The following IQCM variants were observed in gnomAD, a reference collection of about 807,000 sequenced individuals.
IQCM encodes the protein IQ domain-containing protein M.
In IQCM, 45 loss-of-function variants were observed where a neutral mutation model predicts 57.6. The observed-to-expected ratio is 0.78, with a 90% confidence interval of 0.62 to 1.00. The LOEUF is 1.00. Among genes scored for constraint, IQCM ranks in the 50% least tolerant of loss-of-function variants. The probability of loss-of-function intolerance (pLI) is 0.00; values close to 1 mark genes in which losing one functional copy is unlikely to be tolerated. For missense variants in IQCM, 468 were observed against 511.6 expected (o/e 0.91, Z 0.82); for synonymous variants, 148 against 158.9 (o/e 0.93, Z 0.51).
chr4:149,787,492 T>C (rs1772181465), intron 2 of IQCM, among the ~76,000 whole-genome samples: 1 of 152,060 alleles, frequency 6.6e-6, no homozygotes, highest in Non-Finnish European at 1.5e-5. Context: ...AGCAGACACA[T>C]AGACCAATGG....
intron 5 of IQCM, among the ~76,000 whole-genome samples, chr4:149,692,900 G>A (rs1763043224): frequency 6.6e-6 from 1 of 151,562 alleles, no homozygotes; most frequent in Non-Finnish European, 1.5e-5. Flanking sequence ...GGGAGACCAG[G>A]GCAAAAAAAC....
chr4:149,806,924 T>C (rs572471558), intron 2 of IQCM, among the ~76,000 whole-genome samples: 45 of 151,744 alleles, frequency 3.0e-4, no homozygotes, highest in Middle Eastern at 3.4e-3. Context: ...CCATTTACAA[T>C]AGCTACAAAA....
At chr4:149,801,412 A>G (rs1773588844) in intron 2 of IQCM, among the ~76,000 whole-genome samples, 1 of 151,958 alleles carries the variant, frequency 6.6e-6, no homozygotes, top group Non-Finnish European at 1.5e-5. Context: ...AAGAAAGGAG[A>G]TCCGTATATC....
intron 7 of IQCM, among the ~76,000 whole-genome samples, chr4:149,673,654 A>G (rs1761505824): frequency 6.6e-6 from 1 of 152,094 alleles, no homozygotes; most frequent in South Asian, 2.1e-4. Flanking sequence ...AGAGACTTAG[A>G]CTCCCACACA....
At chr4:149,726,067 C>T (rs1219629314) in intron 5 of IQCM, among the ~76,000 whole-genome samples, 2 of 82,270 alleles carry the variant, frequency 2.4e-5, no homozygotes, top group East Asian at 3.7e-4. Flanking sequence ...TTTCTCTTCC[C>T]TCTAAAAGAA....
intron 13 of IQCM, among the ~76,000 whole-genome samples, chr4:149,391,298 T>C (rs1295882795): frequency 6.6e-6 from 1 of 151,930 alleles, no homozygotes; most frequent in Non-Finnish European, 1.5e-5. Flanking sequence ...TTGCTTATAG[T>C]ATTCTTTTAT....
intron 13 of IQCM, among the ~76,000 whole-genome samples, chr4:149,357,401 T>TG (rs1729083841): frequency 6.6e-6 from 1 of 152,200 alleles, no homozygotes; most frequent in African/African-American, 2.4e-5. Flanking sequence ...TAGCTCTTAT[T>TG]ATTTTGAGAT....
chr4:149,549,400 C>A (rs1748794985), intron 11 of IQCM, among the ~76,000 whole-genome samples: 1 of 151,246 alleles, frequency 6.6e-6, no homozygotes, highest in Non-Finnish European at 1.5e-5. Context: ...CGCCTGTAGT[C>A]CCAGCTACTT....
chr4:149,487,440 T>G (rs1741642117), intron 12 of IQCM, among the ~76,000 whole-genome samples: 1 of 152,112 alleles, frequency 6.6e-6, no homozygotes, highest in Non-Finnish European at 1.5e-5. Context: ...CCAGTTGGTG[T>G]CTCCCTGTCA....
chr4:149,539,174 T>C (rs541532235), intron 12 of IQCM, among the ~76,000 whole-genome samples: 5 of 152,136 alleles, frequency 3.3e-5, no homozygotes, highest in South Asian at 2.1e-4. Flanking sequence ...AACTAATGAG[T>C]AGATAAACAA....
chr4:149,742,725 T>C lies in IQCM; in HGVS notation c.-34A>G, dbSNP rs916687522. ...GTTAGAATGATCTTCTTTTTTAAAG[T>C]GTGAGCTCCAAGTCCTTAAACACAG... On this transcript the variant is annotated 5_prime_UTR_variant, in exon 3 of 14. Transcript: ENST00000636793. 5.7e-6 allele frequency: 7 copies of C among 1,224,830 alleles called. No homozygotes were observed. The East Asian group carries it at 1.9e-4, about 33-fold the overall frequency. The allele number at this position is 1,224,830 out of a possible 1,614,324, so 75.9% of individuals were successfully genotyped here.
chr4:149,532,502 T>A (rs1746848288), intron 12 of IQCM, among the ~76,000 whole-genome samples: 1 of 148,952 alleles, frequency 6.7e-6, no homozygotes, highest in African/African-American at 2.5e-5. Flanking sequence ...TTCTGAAGGA[T>A]AATTATCTTT....
intron 13 of IQCM, among the ~76,000 whole-genome samples, chr4:149,409,362 T>C (rs967284225): frequency 4.6e-5 from 7 of 152,194 alleles, no homozygotes; most frequent in Admixed American, 2.0e-4. Context: ...CAGAATGGCC[T>C]CCACTCAGAT....
chr4:149,453,209 T>G (rs1737322754), intron 12 of IQCM, among the ~76,000 whole-genome samples: 1 of 151,684 alleles, frequency 6.6e-6, no homozygotes, highest in Non-Finnish European at 1.5e-5. Flanking sequence ...TAATTTAAAA[T>G]GGATGATAGT....
At chr4:149,509,012 C>T (rs947813290) in intron 12 of IQCM, among the ~76,000 whole-genome samples, 1 of 152,124 alleles carries the variant, frequency 6.6e-6, no homozygotes, top group Admixed American at 6.5e-5. Context: ...TGAGATGTGC[C>T]TTTTACCTTC....
chr4:149,364,991 T>C (rs1729736240), intron 13 of IQCM, among the ~76,000 whole-genome samples: 1 of 152,036 alleles, frequency 6.6e-6, no homozygotes, highest in Non-Finnish European at 1.5e-5. Context: ...TATAAAATTA[T>C]AGATATGTTT....
intron 8 of IQCM, among the ~76,000 whole-genome samples, chr4:149,610,211 A>G (rs1430594024): frequency 6.6e-6 from 1 of 151,982 alleles, no homozygotes; most frequent in Admixed American, 6.6e-5. Flanking sequence ...TAAAACATTG[A>G]TGAAAGAAAT....
intron 13 of IQCM, among the ~76,000 whole-genome samples, chr4:149,397,101 A>T (rs1217079021): frequency 6.6e-6 from 1 of 151,610 alleles, no homozygotes. Flanking sequence ...TCTATTTTTA[A>T]TTTTTTCAGG....
intron 6 of IQCM, among the ~76,000 whole-genome samples, chr4:149,682,450 G>A (rs1209681893): frequency 6.6e-6 from 1 of 151,044 alleles, no homozygotes. Flanking sequence ...TTCCAAATGA[G>A]CCCAAACTAG....
Sources: allele counts gnomAD v4.1 joint callset (sites outside exome capture counted in the v4.1 genomes callset), GRCh38; gene constraint gnomAD v4.1.1; transcripts MANE v1.5; gene names NCBI Gene and HGNC (gene_info 2026-07-23, HGNC 2026-07-21).